OVOL1: variants seen among roughly 807,000 people sequenced by gnomAD.
The protein encoded by OVOL1 is ovo like transcriptional repressor 1, also known as putative transcription factor Ovo-like 1.
OVOL1 carries 10 observed loss-of-function variants against 21.5 expected under a neutral mutation model. The ratio of observed to expected loss-of-function variants is 0.46; its 90% confidence interval spans 0.29 to 0.79. The LOEUF is 0.79. Among genes scored for constraint, OVOL1 ranks in the 30% least tolerant of loss-of-function variants. The probability of loss-of-function intolerance (pLI) is 0.10; values close to 1 mark genes in which losing one functional copy is unlikely to be tolerated. For synonymous variants in OVOL1, 129 were observed against 150.3 expected, an observed-to-expected ratio of 0.86 and a Z score of 1.03; for missense variants, 279 against 362.3, an observed-to-expected ratio of 0.77 and a Z score of 1.87.
At chr11:65,794,486 C>T (rs1858087713) in intron 2 of OVOL1, 52 bp from the exon 3 acceptor site, 4 of 1,560,586 alleles carry the variant, frequency 2.6e-6, no homozygotes, top group Non-Finnish European at 3.5e-6. Context: ...AATCTGCCAG[C>T]CTGTGGCCCC....
chr11:65,789,503 C>T (rs1857967523), intron 1 of OVOL1: 1 of 173,616 alleles, frequency 5.8e-6, no homozygotes, highest in Non-Finnish European at 1.1e-5. Flanking sequence ...ATGTGGCCCA[C>T]TGGAGAGTTT....
chr11:65,793,916 G>A (rs1049730172), intron 1 of OVOL1, 115 bp from the exon 2 acceptor site: 22 of 760,560 alleles, frequency 2.9e-5, no homozygotes, highest in Non-Finnish European at 4.6e-5. Context: ...GCATGCCTGC[G>A]ATGGGAGGGA....
chr11:65,794,207 C>A lies in OVOL1; in HGVS notation c.277C>A (p.Pro93Thr). 6.2e-7 allele frequency: 1 copy of A among 1,613,434 alleles called. No individual in the cohort carries two copies. The highest frequency in any genetic ancestry group is 8.5e-7 in the Non-Finnish European group (1 of 1,180,022). ...TGAAGACATGGGCCACTTGACAGAC[C>A]CCCAGAGCAGAGACCATGGCTTCCT... is the stretch of plus-strand genomic sequence containing the variant. ...PSEDMGHLTDPQSRDHGFLRT... is the reference protein window; with the variant it reads ...PSEDMGHLTDTQSRDHGFLRT... The change falls in exon 2 of 4, where the codon CCC (proline) becomes ACC (threonine). Residue 93 changes from proline to threonine, a missense_variant. Coordinates refer to ENST00000335987, the MANE Select transcript of OVOL1 (RefSeq NM_004561.4).
At chr11:65,787,739 G>C (rs1330900859) in intron 1 of OVOL1, among the ~76,000 whole-genome samples, 1 of 152,058 alleles carries the variant, frequency 6.6e-6, no homozygotes, top group Non-Finnish European at 1.5e-5. Context: ...GCGCGGAACC[G>C]CCTACCCCCA....
chr11:65,788,037 T>C (rs550437661), intron 1 of OVOL1, among the ~76,000 whole-genome samples: 1 of 152,234 alleles, frequency 6.6e-6, no homozygotes, highest in South Asian at 2.1e-4. Flanking sequence ...CAAATTTTCG[T>C]TGGGCTCCGG....
At position 65,787,302 on chromosome 11, in the gene OVOL1, G is replaced by A. The variant is rs1344036730; in HGVS notation, c.-72G>A. On this transcript the variant is annotated 5_prime_UTR_variant, in exon 1 of 4. Coordinates refer to ENST00000335987, the MANE Select transcript of OVOL1 (RefSeq NM_004561.4). Reference sequence around the variant, plus strand: ...GCCCCCGTTCCCGGCGTTCAGCCCGGCCCCGCAAAGGTGGGACGGCTCCCG... The same window carrying A: ...GCCCCCGTTCCCGGCGTTCAGCCCGACCCCGCAAAGGTGGGACGGCTCCCG... The A allele has an allele frequency of 3.1e-6, 4 of 1,286,580 alleles. No homozygotes were observed. The highest frequency in any genetic ancestry group is 3.0e-5 in the African/African-American group (2 of 66,284). The allele number at this position is 1,286,580 out of a possible 1,614,324, so 79.7% of individuals were successfully genotyped here. A position where few individuals can be genotyped will look rare whatever the true frequency, so the allele number is the denominator to read the frequency against.
At chr11:65,790,852 CAGAA>C (rs1858001884) in intron 1 of OVOL1, 3 of 152,378 alleles carry the variant, frequency 2.0e-5, no homozygotes, top group Admixed American at 1.3e-4. Flanking sequence ...TGATTTGTCT[CAGAA>C]AGAACAGGTG....
chr11:65,794,543 C>A lies in OVOL1; in HGVS notation c.324C>A (p.Thr108=). Residue 108 remains threonine, a synonymous_variant, in exon 3 of 4, where the codon ACC becomes ACA. Transcript: ENST00000335987. ...HGFLRTKMKV[T]LGDSPSGDLF... Reference sequence around the variant, plus strand: ...AATGCCGTCCTCACCCACAGGTGACCCTTGGGGACAGTCCCAGTGGAGACC... The same window carrying A: ...AATGCCGTCCTCACCCACAGGTGACACTTGGGGACAGTCCCAGTGGAGACC... 1.9e-6 allele frequency: 3 copies of A among 1,613,134 alleles called. No homozygotes were observed. Among genetic ancestry groups the A allele is most frequent in the Non-Finnish European group, 2.5e-6 (3 of 1,179,904 alleles).
intron 2 of OVOL1, 114 bp from the exon 3 acceptor site, chr11:65,794,424 G>A (rs1858086513): frequency 2.6e-6 from 3 of 1,153,878 alleles, no homozygotes; most frequent in Non-Finnish European, 2.5e-6. Flanking sequence ...GTCTCTGGGA[G>A]GTGGGCACCA....
chr11:65,791,990 C>T (rs1858029088), intron 1 of OVOL1, among the ~76,000 whole-genome samples: 1 of 152,170 alleles, frequency 6.6e-6, no homozygotes. Context: ...ACAGGTTTGG[C>T]AGGGTGGGTG....
intron 1 of OVOL1, chr11:65,790,022 C>T (rs1857978840): frequency 6.6e-6 from 1 of 151,682 alleles, no homozygotes; most frequent in Non-Finnish European, 1.5e-5. Flanking sequence ...GCTAGGAAGC[C>T]ACCTTGAACC....
chr11:65,794,718 A>G lies in OVOL1; in HGVS notation c.499A>G (p.Thr167Ala). ...CTTCGACCTCAAGAGACACGTCCGAACTCACACTGGTAAGTGGAAGCCCAC... is the reference window on the plus strand; with the variant it reads ...CTTCGACCTCAAGAGACACGTCCGAGCTCACACTGGTAAGTGGAAGCCCAC... ...DTFDLKRHVR[T>A]HTGVRPYKCS... The change falls in exon 3 of 4, where the codon ACT becomes GCT. Residue 167 changes from threonine (T) to alanine (A), a missense_variant. By Grantham distance (58) the Thr-to-Ala change is moderately conservative. Coordinates refer to ENST00000335987, the MANE Select transcript of OVOL1 (RefSeq NM_004561.4). 6.2e-7 allele frequency: 1 copy of G among 1,613,332 alleles called. No individual in the cohort carries two copies. The highest frequency in any genetic ancestry group is 8.5e-7 in the Non-Finnish European group (1 of 1,179,966).
In OVOL1 at chr11:65,788,528, C is replaced by T. The variant is rs528615859; in HGVS notation, c.100+1055C>T. 1,527 of 985,334 alleles carry T rather than the reference C, an allele frequency of 1.5e-3. 3 individuals are homozygous for T. Among genetic ancestry groups the T allele is most frequent in the South Asian group, 2.3e-3 (49 of 21,286 alleles). The allele number at this position is 985,334 out of a possible 1,614,324, so 61.0% of individuals were successfully genotyped here. A position where few individuals can be genotyped will look rare whatever the true frequency, so the allele number is the denominator to read the frequency against. ...GACTTTGACCCTTGATCTGCAGACTCCCTGGCACCGCCCCAGGCCTTGTAG... is the reference window on the plus strand; with the variant it reads ...GACTTTGACCCTTGATCTGCAGACTTCCTGGCACCGCCCCAGGCCTTGTAG... On this transcript the variant is annotated intron_variant, in intron 1 of 3. Transcript: ENST00000335987.
At chr11:65,792,877 C>T (rs901363038) in intron 1 of OVOL1, among the ~76,000 whole-genome samples, 4 of 152,234 alleles carry the variant, frequency 2.6e-5, no homozygotes, top group South Asian at 2.1e-4. Context: ...GAGGTGAGGG[C>T]GGCAGCCCTC....
At chr11:65,791,139 AG>A (rs2135701306) in intron 1 of OVOL1, among the ~76,000 whole-genome samples, 1 of 152,342 alleles carries the variant, frequency 6.6e-6, no homozygotes, top group South Asian at 2.1e-4. Context: ...ACACTGTCTG[AG>A]GCGACCTGTG....
chr11:65,790,112 A>G (rs1378359879), intron 1 of OVOL1: 1 of 133,180 alleles, frequency 7.5e-6, no homozygotes, highest in Non-Finnish European at 1.5e-5. Flanking sequence ...GACAGGGAGT[A>G]ATGCTGGTTC....
chr11:65,797,123 G>A lies in OVOL1; in HGVS notation c.*1782G>A, dbSNP rs1335989335. ...TTTTTGTTTACATTTCTGTATCCCT[G>A]GGTTGACTGCCAATCCGAGGCCGTC... On this transcript the variant is annotated 3_prime_UTR_variant, in exon 4 of 4. Transcript: ENST00000335987. 1 of 152,162 alleles carries A rather than the reference G, an allele frequency of 6.6e-6. No homozygotes were observed. The highest frequency in any genetic ancestry group is 1.5e-5 in the Non-Finnish European group (1 of 68,016). 9.4% of individuals were successfully genotyped at this position (152,162 alleles called of 1,614,324 possible).
Position 65,795,546 on chromosome 11 carries a change from T to C in OVOL1, c.*205T>C, listed in dbSNP as rs1351053019. On this transcript the variant is annotated 3_prime_UTR_variant, in exon 4 of 4. Coordinates refer to ENST00000335987, the MANE Select transcript of OVOL1 (RefSeq NM_004561.4). This position sits in a 1 kb window ranked among gnomAD's most constrained non-coding sequence, Gnocchi z 5.7. ...TCTGCTCATTTTTGCATTTTTGACT[T>C]ATGGGCCGAGGCTGTTCTGAGCCTG... 1.7e-6 allele frequency: 1 copy of C among 601,074 alleles called. No homozygotes were observed. The highest frequency in any genetic ancestry group is 3.0e-6 in the Non-Finnish European group (1 of 337,974). 37.2% of individuals were successfully genotyped at this position (601,074 alleles called of 1,614,324 possible). A position where few individuals can be genotyped will look rare whatever the true frequency, so the allele number is the denominator to read the frequency against.
intron 1 of OVOL1, chr11:65,788,687 T>G: frequency 1.0e-6 from 1 of 985,414 alleles, no homozygotes; most frequent in Non-Finnish European, 1.2e-6. Context: ...CAGTGGCCTG[T>G]GGCGCTGGCA....
Sources: gnomAD v4.1 joint callset for allele counts (sites outside exome capture counted in the v4.1 genomes callset) on GRCh38, gnomAD v4.1.1 for gene constraint, Gnocchi (gnomAD v3.1) non-coding constraint, MANE v1.5 for transcripts, NCBI Gene and HGNC (gene_info 2026-07-23, HGNC 2026-07-21) for gene names.